PRKN: variants seen among roughly 807,000 people sequenced by gnomAD.
PRKN encodes parkin RBR E3 ubiquitin protein ligase, also known as E3 ubiquitin-protein ligase parkin.
PRKN carries 56 observed loss-of-function variants against 59.5 expected under a neutral mutation model. The ratio of observed to expected loss-of-function variants is 0.94; its 90% confidence interval spans 0.76 to 1.18. The LOEUF (loss-of-function observed/expected upper bound fraction) is 1.18, where lower values mean the gene tolerates loss of function less well. PRKN is among the 50% of genes most tolerant of loss of function. The probability of loss-of-function intolerance (pLI) is 0.00; values close to 1 mark genes in which losing one functional copy is unlikely to be tolerated. For synonymous variants in PRKN, 250 were observed against 222.1 expected (o/e 1.13, Z -1.12); for missense variants, 657 against 596.4 (o/e 1.10, Z -1.06).
chr6:162,409,759 T>C (rs1007585014), intron 2 of PRKN, among the ~76,000 whole-genome samples: 12 of 152,170 alleles, frequency 7.9e-5, no homozygotes, highest in African/African-American at 2.9e-4. Context: ...ATACCTCAAG[T>C]GGGATTCTCA....
At chr6:162,453,974 AAGG>A (rs1464554203) in intron 1 of PRKN, among the ~76,000 whole-genome samples, 1 of 152,184 alleles carries the variant, frequency 6.6e-6, no homozygotes, top group Non-Finnish European at 1.5e-5. Flanking sequence ...ATGACAAAGA[AAGG>A]AGAAGAAAGA....
intron 6 of PRKN, among the ~76,000 whole-genome samples, chr6:161,972,044 C>T (rs1002929832): frequency 2.2e-4 from 33 of 152,154 alleles, no homozygotes; most frequent in African/African-American, 6.7e-4. Context: ...GGGGCTAAGG[C>T]GGGCGGATCA....
intron 1 of PRKN, among the ~76,000 whole-genome samples, chr6:162,669,007 G>C (rs1779217583): frequency 6.6e-6 from 1 of 152,086 alleles, no homozygotes. Context: ...AGAATCTGAA[G>C]TACCAAGACC....
chr6:162,001,529 C>G (rs1424928970), intron 5 of PRKN, among the ~76,000 whole-genome samples: 2 of 88,908 alleles, frequency 2.2e-5, no homozygotes. Flanking sequence ...TAATTACTAA[C>G]TAGTTTGGGG....
intron 1 of PRKN, among the ~76,000 whole-genome samples, chr6:162,660,206 T>G (rs1203775930): frequency 6.6e-6 from 1 of 152,264 alleles, no homozygotes; most frequent in Non-Finnish European, 1.5e-5. Context: ...CCCTCATTTT[T>G]TTAAGCTTCA....
intron 7 of PRKN, among the ~76,000 whole-genome samples, chr6:161,640,188 G>T (rs1208159329): frequency 6.6e-6 from 1 of 152,134 alleles, no homozygotes; most frequent in East Asian, 1.9e-4. Context: ...TCATTCATAT[G>T]AAAATACTTT....
At chr6:161,426,555 G>A (rs1788366431) in intron 9 of PRKN, among the ~76,000 whole-genome samples, 1 of 151,680 alleles carries the variant, frequency 6.6e-6, no homozygotes, top group Non-Finnish European at 1.5e-5. Context: ...TTGGGACTCA[G>A]ACTGGCTCTC....
chr6:162,054,118 T>C lies in PRKN; in HGVS notation c.591A>G (p.Gln197=), dbSNP rs201206485. 3.0e-5 allele frequency: 49 copies of C among 1,613,112 alleles called. No homozygotes were observed. The highest frequency in any genetic ancestry group is 6.7e-5 in the East Asian group (3 of 44,874). Residue 197 remains glutamine (Q), a synonymous_variant, in exon 5 of 12, where the codon CAA becomes CAG. Transcript: ENST00000366898. The part of the protein sequence containing the change: ...LIPNRMSGEC[Q]SPHCPGTSAE... ...CACTAGTCCCAGGGCAGTGTGGGGA[T>C]TGGCATTCACCACTCATCCGGTTTG...
chr6:161,837,516 C>T (rs2128219933), intron 6 of PRKN, among the ~76,000 whole-genome samples: 1 of 151,724 alleles, frequency 6.6e-6, no homozygotes, highest in African/African-American at 2.4e-5. Context: ...CATTGGGCTG[C>T]TCTAGGACTC....
intron 9 of PRKN, among the ~76,000 whole-genome samples, chr6:161,507,955 C>T (rs1219116067): frequency 6.6e-6 from 1 of 152,138 alleles, no homozygotes; most frequent in African/African-American, 2.4e-5. Flanking sequence ...AAATAAATGA[C>T]CTACCTTTTC....
At chr6:161,680,775 ATTTT>A (rs869253616) in intron 7 of PRKN, among the ~76,000 whole-genome samples, 9 of 30,638 alleles carry the variant, frequency 2.9e-4, no homozygotes, top group Non-Finnish European at 3.7e-4. Flanking sequence ...ATATATATAT[ATTTT>A]TTTTTTTTTT....
intron 10 of PRKN, among the ~76,000 whole-genome samples, chr6:161,384,982 T>G (rs1786171400): frequency 6.6e-6 from 1 of 152,118 alleles, no homozygotes; most frequent in African/African-American, 2.4e-5. Context: ...CAGGCTGGAG[T>G]GCAGTGGTGC....
chr6:161,853,110 C>T (rs1455536083), intron 6 of PRKN, among the ~76,000 whole-genome samples: 3 of 152,096 alleles, frequency 2.0e-5, no homozygotes, highest in Non-Finnish European at 4.4e-5. Flanking sequence ...GCTGGGAAAA[C>T]TTGAGAACTG....
chr6:162,568,265 A>C, intron 1 of PRKN: 1 of 201,278 alleles, frequency 5.0e-6, no homozygotes. Context: ...AAAATGGACA[A>C]AGGGGATCAT....
intron 1 of PRKN, among the ~76,000 whole-genome samples, chr6:162,570,943 A>T (rs1780297260): frequency 6.6e-6 from 1 of 152,190 alleles, no homozygotes; most frequent in Non-Finnish European, 1.5e-5. Flanking sequence ...GTGTAATTGG[A>T]TTGTTTGTAA....
intron 10 of PRKN, among the ~76,000 whole-genome samples, chr6:161,381,731 A>T (rs1481000530): frequency 6.6e-6 from 1 of 152,120 alleles, no homozygotes; most frequent in African/African-American, 2.4e-5. Context: ...TTTGTCATTC[A>T]TTCAACAAAC....
Position 161,592,541 on chromosome 6 carries a change from G to A in PRKN, c.872-23125C>T, listed in dbSNP as rs1457200571. Among the ~76,000 whole-genome samples the A allele has an allele frequency of 6.6e-6, 1 of 152,000 alleles. No individual in the cohort carries two copies. Among genetic ancestry groups the A allele is most frequent in the Admixed American group, 6.6e-5 (1 of 15,260 alleles). ...TGCCAGGAACTGGTCTAGATAAGAG[G>A]AATACAGACGATTAGACACAGTTCC... On this transcript the variant is annotated intron_variant, in intron 7 of 11. Transcript: ENST00000366898. The surrounding 1 kb of genome is among the most constrained non-coding windows in gnomAD (Gnocchi z 4.8).
chr6:161,602,688 A>C (rs796235911), intron 7 of PRKN, among the ~76,000 whole-genome samples: 10 of 152,342 alleles, frequency 6.6e-5, no homozygotes, highest in African/African-American at 2.4e-4. Flanking sequence ...CTCTGAACTT[A>C]AAAATTTAGC....
rs1021013915 is a variant in PRKN at position 161,579,317 on chromosome 6, G to C, written c.872-9901C>G. The stretch of plus-strand genomic sequence containing the variant: ...TAACCAAAAAGGGCACTTAGGTTAG[G>C]CACATCCCTGTCAGATAAGGCCTAG... On this transcript the variant is annotated intron_variant, in intron 7 of 11. Coordinates refer to ENST00000366898, the MANE Select transcript of PRKN (RefSeq NM_004562.3). This position sits in a 1 kb window ranked among gnomAD's most constrained non-coding sequence, Gnocchi z 4.2. 8.5e-5 allele frequency among the ~76,000 whole-genome samples: 13 copies of C among 152,144 alleles called. No homozygotes were observed. The highest frequency in any genetic ancestry group is 7.4e-5 in the Non-Finnish European group (5 of 68,020).
Sources: gnomAD v4.1 joint callset for allele counts (sites outside exome capture counted in the v4.1 genomes callset) on GRCh38, gnomAD v4.1.1 for gene constraint, Gnocchi (gnomAD v3.1) non-coding constraint, MANE v1.5 for transcripts, NCBI Gene and HGNC (gene_info 2026-07-23, HGNC 2026-07-21) for gene names.